The following TRPM3 variants were observed in gnomAD, a reference collection of about 807,000 sequenced individuals.
TRPM3 encodes the protein long transient receptor potential channel 3.
TRPM3 carries 77 observed loss-of-function variants against 181.2 expected under a neutral mutation model. The observed-to-expected ratio is 0.42, with a 90% CI of 0.35 to 0.51. The LOEUF is 0.51. Ranked by LOEUF, TRPM3 falls within the 20% of genes least tolerant of loss-of-function variation. TRPM3 has a pLI of 0.01. For missense variants in TRPM3, 1,759 were observed against 2,196.7 expected, an observed-to-expected ratio of 0.80 and a Z score of 3.98; for synonymous variants, 745 against 796.4, an observed-to-expected ratio of 0.94 and a Z score of 1.09.
chr9:70,666,463 C>T (rs972380936), intron 9 of TRPM3, among the ~76,000 whole-genome samples: 1 of 152,200 alleles, frequency 6.6e-6, no homozygotes, highest in African/African-American at 2.4e-5. Flanking sequence ...TTTTTCCAGG[C>T]ACCTAATGCC....
At chr9:70,746,105 A>C (rs2134958204) in intron 8 of TRPM3, among the ~76,000 whole-genome samples, 1 of 152,292 alleles carries the variant, frequency 6.6e-6, no homozygotes, top group East Asian at 1.9e-4. Context: ...GACAATTCTG[A>C]GGAGTAAATC....
At chr9:71,413,148 G>A (rs1274907520) in intron 1 of TRPM3, among the ~76,000 whole-genome samples, 1 of 152,014 alleles carries the variant, frequency 6.6e-6, no homozygotes, top group Non-Finnish European at 1.5e-5. Context: ...CCTAATGTAA[G>A]TGACGAGTTA....
At chr9:71,136,993 T>C (rs1021871563) in intron 1 of TRPM3, among the ~76,000 whole-genome samples, 12 of 152,246 alleles carry the variant, frequency 7.9e-5, no homozygotes, top group Admixed American at 7.8e-4. Flanking sequence ...GTAATCGGAA[T>C]TGCATTTTAA....
chr9:71,351,562 T>A (rs888217287), intron 1 of TRPM3, among the ~76,000 whole-genome samples: 26 of 152,220 alleles, frequency 1.7e-4, no homozygotes, highest in East Asian at 7.7e-4. Flanking sequence ...AATCATTGTC[T>A]TTTTAAACAG....
intron 1 of TRPM3, among the ~76,000 whole-genome samples, chr9:70,983,674 T>C (rs1047228608): frequency 1.3e-5 from 2 of 152,092 alleles, no homozygotes; most frequent in Non-Finnish European, 1.5e-5. Flanking sequence ...TTACAGGCTG[T>C]TGGAATGGGG....
chr9:70,888,601 T>A lies in TRPM3; in HGVS notation c.178-24090A>T, dbSNP rs543280493. Reference sequence around the variant, plus strand: ...ACATCCATTGTTAATGCATGTTGCATACCATTTGTAAAAATTTCAGATTGA... The same window carrying A: ...ACATCCATTGTTAATGCATGTTGCAAACCATTTGTAAAAATTTCAGATTGA... On this transcript the variant is annotated intron_variant, in intron 1 of 25. Transcript: ENST00000677713. Among the ~76,000 whole-genome samples, 26 of 152,302 alleles carry A rather than the reference T, an allele frequency of 1.7e-4. No individual in the cohort carries two copies. The South Asian group carries it at 5.0e-3, about 29-fold the overall frequency.
intron 1 of TRPM3, among the ~76,000 whole-genome samples, chr9:70,975,726 C>A (rs1489308828): frequency 2.0e-5 from 3 of 152,170 alleles, no homozygotes; most frequent in Non-Finnish European, 2.9e-5. Flanking sequence ...CCTATCTTGG[C>A]CAGCCTTCCT....
At chr9:70,938,827 G>A (rs549580651) in intron 1 of TRPM3, among the ~76,000 whole-genome samples, 43 of 151,992 alleles carry the variant, frequency 2.8e-4, no homozygotes, top group Admixed American at 2.4e-3. Context: ...GCATGGTGGC[G>A]GGCGCCTGTA....
chr9:70,599,334 T>C (rs1187218494), intron 20 of TRPM3, among the ~76,000 whole-genome samples: 1 of 152,110 alleles, frequency 6.6e-6, no homozygotes, highest in Non-Finnish European at 1.5e-5. Context: ...CTCTTCAAGC[T>C]GCACCCTTAG....
rs186551431 is a variant in TRPM3 at position 71,142,503 on chromosome 9, C to T, written c.184-277992G>A. 3.0e-3 allele frequency among the ~76,000 whole-genome samples: 451 copies of T among 152,078 alleles called. 6 individuals carry two copies. Among genetic ancestry groups the T allele is most frequent in the Middle Eastern group, 0.024 (7 of 292 alleles). On this transcript the variant is annotated intron_variant, in intron 1 of 24. Transcript: ENST00000357533. ...TTTCATATATACATATATATACACA[C>T]GTATATACACACATACATATATACA...
rs559503141 is a variant in TRPM3 at position 70,860,687 on chromosome 9, A to C, written c.462+2221T>G. 9.8e-5 allele frequency among the ~76,000 whole-genome samples: 15 copies of C among 152,342 alleles called. No homozygotes were observed. In the South Asian group the frequency reaches 3.1e-3, roughly 32 times the overall value. On this transcript the variant is annotated intron_variant, in intron 3 of 25. Coordinates refer to ENST00000677713, the MANE Select transcript of TRPM3 (RefSeq NM_001366145.2). Reference sequence around the variant, plus strand: ...AAAAAGTGTAATTTGGCTTTCTAAAATAAAATATAAGATATGTGCATCCAA... The same window carrying C: ...AAAAAGTGTAATTTGGCTTTCTAAACTAAAATATAAGATATGTGCATCCAA...
chr9:71,135,455 T>C (rs1300225710), intron 1 of TRPM3, among the ~76,000 whole-genome samples: 2 of 152,182 alleles, frequency 1.3e-5, no homozygotes, highest in South Asian at 2.1e-4. Flanking sequence ...GGTCTCAGAA[T>C]AATGTATATA....
chr9:71,396,031 G>C (rs1213226487), intron 1 of TRPM3, among the ~76,000 whole-genome samples: 1 of 152,118 alleles, frequency 6.6e-6, no homozygotes. Context: ...ATAAAAATGA[G>C]AGAACGGCTT....
chr9:70,589,312 TA>T (rs1231021348), intron 22 of TRPM3, among the ~76,000 whole-genome samples: 1 of 152,186 alleles, frequency 6.6e-6, no homozygotes, highest in Non-Finnish European at 1.5e-5. Flanking sequence ...ACAACATCAA[TA>T]AATGGCCACT....
intron 1 of TRPM3, among the ~76,000 whole-genome samples, chr9:70,896,494 A>C (rs2096280475): frequency 6.6e-6 from 1 of 152,170 alleles, no homozygotes; most frequent in Non-Finnish European, 1.5e-5. Flanking sequence ...TTTAAGCAGT[A>C]CAGGCGGCCA....
intron 1 of TRPM3, among the ~76,000 whole-genome samples, chr9:70,895,918 T>C (rs139945119): frequency 4.5e-4 from 68 of 152,258 alleles, no homozygotes; most frequent in African/African-American, 1.2e-3. Flanking sequence ...GGGAGAGTGA[T>C]AACCAGAGGT....
chr9:71,428,151 G>T (rs2093898593), intron 1 of TRPM3, among the ~76,000 whole-genome samples: 1 of 151,738 alleles, frequency 6.6e-6, no homozygotes, highest in Non-Finnish European at 1.5e-5. Flanking sequence ...CAGTGCAATG[G>T]TGCAATCTCA....
intron 22 of TRPM3, among the ~76,000 whole-genome samples, chr9:70,565,738 C>A (rs960404048): frequency 6.6e-6 from 1 of 152,094 alleles, no homozygotes; most frequent in African/African-American, 2.4e-5. Flanking sequence ...TCACATTATC[C>A]CACATTACTA....
At chr9:70,577,788 T>G (rs17055322) in intron 22 of TRPM3, among the ~76,000 whole-genome samples, 1 of 152,208 alleles carries the variant, frequency 6.6e-6, no homozygotes, top group Non-Finnish European at 1.5e-5. Context: ...TGTTTGATAG[T>G]GGTGTCCCCC....
Sources: gnomAD v4.1 joint callset for allele counts (sites outside exome capture counted in the v4.1 genomes callset) on GRCh38, gnomAD v4.1.1 for gene constraint, MANE v1.5 for transcripts, NCBI Gene and HGNC (gene_info 2026-07-23, HGNC 2026-07-21) for gene names.